The following MAST4 variants were observed in gnomAD, a reference collection of about 807,000 sequenced individuals.
MAST4 encodes microtubule associated serine/threonine kinase family member 4, also known as microtubule-associated serine/threonine-protein kinase 4.
MAST4 carries 89 observed loss-of-function variants against 162.7 expected under a neutral mutation model. The ratio of observed to expected loss-of-function variants is 0.55; its 90% CI spans 0.46 to 0.65. MAST4 has a LOEUF of 0.65. Ranked by LOEUF, MAST4 falls within the 30% of genes least tolerant of loss-of-function variation. MAST4 has a pLI of 0.00. For missense variants in MAST4, 3,153 were observed against 3,374.0 expected, an observed-to-expected ratio of 0.93 and a Z score of 1.62; for synonymous variants, 1,479 against 1,361.1, an observed-to-expected ratio of 1.09 and a Z score of -1.91.
intron 3 of MAST4, among the ~76,000 whole-genome samples, chr5:66,840,034 CTTT>C (rs1041301494): frequency 1.3e-5 from 2 of 150,806 alleles, no homozygotes; most frequent in Non-Finnish European, 3.0e-5. Context: ...ACTAGCTTCA[CTTT>C]TTTTTTGAGC....
chr5:66,861,570 C>T (rs1156480360), intron 3 of MAST4, among the ~76,000 whole-genome samples: 2 of 152,214 alleles, frequency 1.3e-5, no homozygotes, highest in African/African-American at 4.8e-5. Flanking sequence ...CTATGTGAGC[C>T]CCACAGGGCA....
intron 1 of MAST4, among the ~76,000 whole-genome samples, chr5:66,667,042 A>G (rs1747307138): frequency 6.6e-6 from 1 of 152,210 alleles, no homozygotes; most frequent in South Asian, 2.1e-4. Flanking sequence ...AGGGAAGGAA[A>G]GAGGCGAACA....
chr5:66,965,361 A>G (rs560544630), intron 4 of MAST4, among the ~76,000 whole-genome samples: 1 of 151,810 alleles, frequency 6.6e-6, no homozygotes, highest in Non-Finnish European at 1.5e-5. Context: ...ATTAAATACA[A>G]TGCTTGTATT....
chr5:66,906,241 T>G (rs1050089447), intron 4 of MAST4, among the ~76,000 whole-genome samples: 1 of 152,180 alleles, frequency 6.6e-6, no homozygotes, highest in Non-Finnish European at 1.5e-5. Flanking sequence ...GAGGGTATCA[T>G]GAGGCATGTC....
At chr5:66,728,883 C>G (rs1291571984) in intron 1 of MAST4, among the ~76,000 whole-genome samples, 1 of 152,182 alleles carries the variant, frequency 6.6e-6, no homozygotes, top group African/African-American at 2.4e-5. Context: ...AAAAGTCTGT[C>G]CCTTCTGTCT....
intron 4 of MAST4, among the ~76,000 whole-genome samples, chr5:66,983,326 C>T (rs907335073): frequency 4.3e-4 from 66 of 152,180 alleles, no homozygotes; most frequent in African/African-American, 1.4e-3. Context: ...TGATGACAGA[C>T]GGCCATCCCT....
At chr5:67,042,118 TAAG>T (rs1354470362) in intron 4 of MAST4, among the ~76,000 whole-genome samples, 2 of 152,354 alleles carry the variant, frequency 1.3e-5, no homozygotes, top group South Asian at 2.1e-4. Context: ...TATGTTCACA[TAAG>T]AAGTAGTCAA....
chr5:67,167,055 G>A lies in MAST4; in HGVS notation c.*4G>A. The stretch of plus-strand genomic sequence containing the variant: ...CCCTCACAAAAAGGCCTTGTAACGG[G>A]GAGGGCCCAGGGGCAGGACTGTGGA... On this transcript the variant is annotated 3_prime_UTR_variant, in exon 29 of 29. Transcript: ENST00000403625. 1.9e-6 allele frequency: 3 copies of A among 1,572,218 alleles called. No homozygotes were observed. Among genetic ancestry groups the A allele is most frequent in the Non-Finnish European group, 2.6e-6 (3 of 1,158,804 alleles).
rs1774373603 is a variant in MAST4, at chr5:67,169,422, T to C, written c.*2371T>C. On this transcript the variant is annotated 3_prime_UTR_variant, in exon 29 of 29. Coordinates refer to ENST00000403625, the MANE Select transcript of MAST4 (RefSeq NM_001164664.2). ...TGTAGGATGTGCTCCTTGGTAGTAC[T>C]CCCAGCTGTAGATTTACCAGCTTAA... is the stretch of plus-strand genomic sequence containing the variant. The C allele has an allele frequency of 6.6e-6, 1 of 152,214 alleles. No homozygotes were observed. Among genetic ancestry groups the C allele is most frequent in the African/African-American group, 2.4e-5 (1 of 41,458 alleles). The allele number at this position is 152,214 out of a possible 1,614,324, so 9.4% of individuals were successfully genotyped here.
chr5:66,930,810 T>C (rs1742113241), intron 4 of MAST4: 1 of 470,636 alleles, frequency 2.1e-6, no homozygotes, highest in East Asian at 6.9e-5. Context: ...GTGTGCCTGC[T>C]TTAGGATTAC....
At position 67,145,384 on chromosome 5, in the gene MAST4, G is replaced by GC; in HGVS notation, c.3094+9dup. 1 of 1,611,422 alleles carries GC rather than the reference G, an allele frequency of 6.2e-7. No individual in the cohort carries two copies. The highest frequency in any genetic ancestry group is 8.5e-7 in the Non-Finnish European group (1 of 1,179,158). On this transcript the variant is annotated splice_donor_region_variant and intron_variant, in intron 23 of 28. Transcript: ENST00000403625. ...TCAGCAGCTCCACCCTGTCAGGTAA[G>GC]CCCCGGGCCATAGTGCCTGCTGTCC...
At chr5:66,812,422 T>C (rs969008646) in intron 3 of MAST4, among the ~76,000 whole-genome samples, 1 of 152,158 alleles carries the variant, frequency 6.6e-6, no homozygotes, top group Non-Finnish European at 1.5e-5. Flanking sequence ...AGAACACTTA[T>C]CGTCTGTCCT....
At chr5:66,712,357 T>G (rs1293512435) in intron 1 of MAST4, among the ~76,000 whole-genome samples, 1 of 152,232 alleles carries the variant, frequency 6.6e-6, no homozygotes, top group Non-Finnish European at 1.5e-5. Flanking sequence ...GAGCATAGTT[T>G]GGACCTGGCA....
intron 4 of MAST4, among the ~76,000 whole-genome samples, chr5:66,908,360 G>A (rs1203217051): frequency 6.6e-6 from 1 of 152,070 alleles, no homozygotes; most frequent in Admixed American, 6.5e-5. Flanking sequence ...GTTACCTGTG[G>A]GGAGGTTTAT....
intron 13 of MAST4, among the ~76,000 whole-genome samples, chr5:67,119,120 A>G (rs535734574): frequency 2.0e-4 from 31 of 152,142 alleles, no homozygotes; most frequent in Non-Finnish European, 4.3e-4. Flanking sequence ...CCTGTTGTTC[A>G]TGTTTATCAG....
Position 66,644,046 on chromosome 5 carries a change from T to TAA in MAST4, c.363+47035_363+47036dup, listed in dbSNP as rs11329809. On this transcript the variant is annotated intron_variant, in intron 1 of 28. Coordinates refer to ENST00000403625, the MANE Select transcript of MAST4 (RefSeq NM_001164664.2). ...AATAAAAGTATTCATCTGTAAGCTT[T>TAA]AAAAAAAATCTGTGTTCTTAGATTG... Among the ~76,000 whole-genome samples, 1,485 of 151,600 alleles carry TAA rather than the reference T, an allele frequency of 9.8e-3. 20 individuals carry two copies. Among genetic ancestry groups the TAA allele is most frequent in the African/African-American group, 0.034 (1,412 of 41,328 alleles).
rs1705399 is a variant in MAST4 at position 67,164,050 on chromosome 5, G to C, written c.4871G>C (p.Arg1624Pro). ...AGCGAGGGTGCGATGTCGGATGGCCGGGTGCCTGCGGAGCACCGCCAGGGT... is the reference window on the plus strand; with the variant it reads ...AGCGAGGGTGCGATGTCGGATGGCCCGGTGCCTGCGGAGCACCGCCAGGGT... Reference protein sequence around the residue: ...RASEGAMSDGRVPAEHRQGGG... With the variant: ...RASEGAMSDGPVPAEHRQGGG... Residue 1624 changes from arginine to proline, a missense_variant, in exon 29 of 29, where the codon CGG (arginine) becomes CCG (proline). Physicochemically the swap from Arg to Pro is moderately radical, Grantham distance 103. Transcript: ENST00000403625. This position sits in a 1 kb window ranked among gnomAD's most constrained non-coding sequence, Gnocchi z 5.3. 0.96 allele frequency: 1,508,908 copies of C among 1,573,262 alleles called. 723,828 individuals carry two copies. Among genetic ancestry groups the C allele is most frequent in the African/African-American group, 0.98 (72,317 of 73,908 alleles).
intron 5 of MAST4, among the ~76,000 whole-genome samples, chr5:67,078,273 A>G (rs1364559086): frequency 6.6e-6 from 1 of 151,908 alleles, no homozygotes; most frequent in African/African-American, 2.4e-5. Flanking sequence ...AAGTAACATT[A>G]AAAGATAAAC....
chr5:67,118,667 T>G lies in MAST4; in HGVS notation c.1592-15T>G. On this transcript the variant is annotated splice_polypyrimidine_tract_variant and intron_variant, in intron 12 of 28. Coordinates refer to ENST00000403625, the MANE Select transcript of MAST4 (RefSeq NM_001164664.2). ...ATATTTTTATTAAGCTTAACTTTTT[T>G]TTTTTCCAACTTAGAAATGGCTCAT... is the stretch of plus-strand genomic sequence containing the variant. The G allele has an allele frequency of 6.6e-7, 1 of 1,523,208 alleles. No homozygotes were observed. The highest frequency in any genetic ancestry group is 8.9e-7 in the Non-Finnish European group (1 of 1,121,570). The allele number at this position is 1,523,208 out of a possible 1,614,324, so 94.4% of individuals were successfully genotyped here.
Sources: gnomAD v4.1 joint callset for allele counts (sites outside exome capture counted in the v4.1 genomes callset) on GRCh38, gnomAD v4.1.1 for gene constraint, Gnocchi (gnomAD v3.1) non-coding constraint, MANE v1.5 for transcripts, NCBI Gene and HGNC (gene_info 2026-07-23, HGNC 2026-07-21) for gene names.